ADGRG2: variants seen among roughly 807,000 people sequenced by gnomAD.
ADGRG2 encodes G protein-coupled receptor 64.
ADGRG2 carries 26 observed loss-of-function variants against 74.1 expected under a neutral mutation model. The observed-to-expected ratio is 0.35, with a 90% CI of 0.26 to 0.49. The LOEUF (loss-of-function observed/expected upper bound fraction) is 0.49, where lower values mean the gene tolerates loss of function less well. ADGRG2 is among the 20% of genes least tolerant of loss of function. The probability of loss-of-function intolerance (pLI) is 0.99; values close to 1 mark genes in which losing one functional copy is unlikely to be tolerated. For synonymous variants in ADGRG2, 296 were observed against 295.2 expected (o/e 1.00, Z -0.03); for missense variants, 619 against 763.1 (o/e 0.81, Z 2.22).
chrX:19,106,795 C>T (rs2062303622), intron 1 of ADGRG2, among the ~76,000 whole-genome samples: 1 of 109,391 alleles, frequency 9.1e-6, no homozygotes, highest in Non-Finnish European at 1.9e-5. Context: ...TGGCGGGCAC[C>T]TACAATCCCA....
At chrX:19,082,318 C>T (rs1016424374) in intron 2 of ADGRG2, among the ~76,000 whole-genome samples, 2 of 110,511 alleles carry the variant, frequency 1.8e-5, no homozygotes, top group African/African-American at 6.6e-5. Context: ...AAGGGACACA[C>T]GTCCAGGGAG....
At chrX:19,048,828 G>C (rs373085645) in intron 3 of ADGRG2, among the ~76,000 whole-genome samples, 8 of 112,200 alleles carry the variant, frequency 7.1e-5, no homozygotes, top group African/African-American at 2.6e-4. Context: ...TGTAACTTCC[G>C]AAGGCTGGTA....
At chrX:19,005,798 C>T (rs2060218911) in intron 22 of ADGRG2, among the ~76,000 whole-genome samples, 1 of 111,782 alleles carries the variant, frequency 8.9e-6, no homozygotes, top group Non-Finnish European at 1.9e-5. Context: ...AGTGATCCAC[C>T]CACCTTGGCC....
intron 1 of ADGRG2, among the ~76,000 whole-genome samples, chrX:19,106,174 A>AGGGCAAGAGCTG (rs113792332): frequency 0.24 from 26,586 of 108,857 alleles, 4,621 homozygotes; most frequent in African/African-American, 0.62. Context: ...ATCCCACTTG[A>AGGGCAAGAGCTG]GGGTATGGAT....
intron 1 of ADGRG2, among the ~76,000 whole-genome samples, chrX:19,110,706 CA>C (rs61043602): frequency 0.15 from 12,265 of 83,776 alleles, 691 homozygotes; most frequent in South Asian, 0.26. Flanking sequence ...AAAAAACAAA[CA>C]AAAAAAAAAA....
intron 1 of ADGRG2, among the ~76,000 whole-genome samples, chrX:19,085,221 G>A (rs1375920883): frequency 2.7e-5 from 3 of 112,078 alleles, no homozygotes; most frequent in African/African-American, 9.7e-5. Context: ...TCATTTAGGT[G>A]TATTAACATA....
At chrX:18,997,250 G>A (rs5909261) in intron 26 of ADGRG2, among the ~76,000 whole-genome samples, 8,163 of 111,292 alleles carry the variant, frequency 0.073, 321 homozygotes, top group Non-Finnish European at 0.11. Flanking sequence ...GCCAAAATCA[G>A]AAGATATATA....
rs768691834 is a variant in ADGRG2, at chrX:19,023,442, T to C, written c.522A>G (p.Ile174Met). The C allele has an allele frequency of 1.8e-6, 2 of 1,103,584 alleles. No homozygotes were observed. The highest frequency in any genetic ancestry group is 2.5e-5 in the Admixed American group (1 of 39,708). The allele number at this position is 1,103,584 out of a possible 1,213,427, so 90.9% of individuals were successfully genotyped here. A position where few individuals can be genotyped will look rare whatever the true frequency, so the allele number is the denominator to read the frequency against. The change falls in exon 13 of 29, where the codon ATA becomes ATG. Residue 174 changes from isoleucine to methionine, a missense_variant. Physicochemically the swap from Ile to Met is conservative, Grantham distance 10. Transcript: ENST00000379869. Reference sequence around the variant, plus strand: ...TTTGGGCCTCTGCTGTAGCACACATTATAAAGTAAGTCTGAAACAAAACAA... The same window carrying C: ...TTTGGGCCTCTGCTGTAGCACACATCATAAAGTAAGTCTGAAACAAAACAA... ...TLQTLSETYF[I>M]MCATAEAQST...
intron 1 of ADGRG2, among the ~76,000 whole-genome samples, chrX:19,120,030 C>T (rs2062585747): frequency 8.9e-6 from 1 of 112,093 alleles, no homozygotes; most frequent in Non-Finnish European, 1.9e-5. Context: ...AGACAAAATA[C>T]TGATGCTGGC....
intron 3 of ADGRG2, among the ~76,000 whole-genome samples, chrX:19,064,470 T>C (rs776681981): frequency 5.4e-5 from 6 of 112,073 alleles, no homozygotes; most frequent in East Asian, 2.8e-4. Flanking sequence ...TATCGCACAA[T>C]TGATAACCCA....
At chrX:19,116,925 G>A (rs963271093) in intron 1 of ADGRG2, among the ~76,000 whole-genome samples, 4 of 112,263 alleles carry the variant, frequency 3.6e-5, no homozygotes, top group African/African-American at 1.3e-4. Context: ...TCAATACATT[G>A]CACACAGGAG....
intron 3 of ADGRG2, among the ~76,000 whole-genome samples, chrX:19,067,518 T>C (rs1468188005): frequency 8.9e-6 from 1 of 112,007 alleles, no homozygotes; most frequent in South Asian, 3.7e-4. Flanking sequence ...GACCTAAACA[T>C]AAGAGCTAAA....
intron 3 of ADGRG2, among the ~76,000 whole-genome samples, chrX:19,060,542 C>CTT (rs58196298): frequency 2.1e-4 from 18 of 87,056 alleles, no homozygotes; most frequent in Non-Finnish European, 3.8e-4. Context: ...GGCAGGTATT[C>CTT]TTTTTTTTTT....
At chrX:18,995,163 T>C in intron 27 of ADGRG2, 115 bp from the exon 28 acceptor site, 2 of 490,992 alleles carry the variant, frequency 4.1e-6, no homozygotes, top group Non-Finnish European at 6.7e-6. Flanking sequence ...CAGGATCTTA[T>C]GGAGAAGTCA....
At chrX:19,082,111 G>C (rs370469320) in intron 2 of ADGRG2, among the ~76,000 whole-genome samples, 27 of 90,152 alleles carry the variant, frequency 3.0e-4, no homozygotes, top group African/African-American at 1.1e-3. Flanking sequence ...AAGAAAGAAA[G>C]AAAGAAAAGA....
chrX:19,116,489 C>A (rs951462158), intron 1 of ADGRG2, among the ~76,000 whole-genome samples: 5 of 72,600 alleles, frequency 6.9e-5, no homozygotes, highest in Non-Finnish European at 9.3e-5. Context: ...CCAGCCTCAG[C>A]AACAGAGATT....
intron 1 of ADGRG2, among the ~76,000 whole-genome samples, chrX:19,094,442 T>C (rs1219546415): frequency 9.1e-6 from 1 of 109,828 alleles, no homozygotes; most frequent in Non-Finnish European, 1.9e-5. Context: ...CCCAGTGAGG[T>C]CAGGCATGGA....
chrX:19,009,880 G>A (rs1275323113), intron 17 of ADGRG2, 98 bp from the exon 18 acceptor site: 5 of 628,013 alleles, frequency 8.0e-6, no homozygotes, highest in Non-Finnish European at 1.2e-5. Context: ...GCGTGATCTC[G>A]GCTCACTGCA....
chrX:19,094,764 G>A (rs373462898), intron 1 of ADGRG2, among the ~76,000 whole-genome samples: 3 of 112,669 alleles, frequency 2.7e-5, no homozygotes, highest in Non-Finnish European at 5.6e-5. Flanking sequence ...CACCGGAAGC[G>A]GAGTTATTTT....
Sources: allele counts gnomAD v4.1 joint callset (sites outside exome capture counted in the v4.1 genomes callset), GRCh38; gene constraint gnomAD v4.1.1; transcripts MANE v1.5; gene names NCBI Gene and HGNC (gene_info 2026-07-23, HGNC 2026-07-21).